Variants in NMNAT2 observed in about 807,000 individuals in gnomAD.
NMNAT2 encodes nicotinamide nucleotide adenylyltransferase 2, also known as nicotinamide/nicotinic acid mononucleotide adenylyltransferase 2.
In NMNAT2, 11 loss-of-function variants were observed where a neutral mutation model predicts 41.6. The observed-to-expected ratio is 0.26, with a 90% CI of 0.17 to 0.44. NMNAT2 has a LOEUF of 0.44. NMNAT2 is among the 20% of genes least tolerant of loss of function. NMNAT2 has a pLI of 1.00. For synonymous variants in NMNAT2, 148 were observed against 151.2 expected, an observed-to-expected ratio of 0.98 and a Z score of 0.16; for missense variants, 288 against 407.7, an observed-to-expected ratio of 0.71 and a Z score of 2.53.
Position 183,251,972 on chromosome 1 carries a change from G to C in NMNAT2, c.*669C>G, listed in dbSNP as rs1273078407. 1.3e-5 allele frequency: 2 copies of C among 155,296 alleles called. No individual in the cohort carries two copies. The highest frequency in any genetic ancestry group is 4.8e-5 in the African/African-American group (2 of 41,430). 9.6% of individuals were successfully genotyped at this position (155,296 alleles called of 1,614,324 possible). A position where few individuals can be genotyped will look rare whatever the true frequency, so the allele number is the denominator to read the frequency against. On this transcript the variant is annotated 3_prime_UTR_variant, in exon 11 of 11. Transcript: ENST00000287713. ...GCGTGTGTGTGGTGCTGAAGAAGTG[G>C]AGGTTGCTTGGCCTTCTCTACTGGG...
At chr1:183,384,634 C>A (rs7546142) in intron 1 of NMNAT2, among the ~76,000 whole-genome samples, 13,889 of 152,244 alleles carry the variant, frequency 0.091, 801 homozygotes, top group Middle Eastern at 0.18. Flanking sequence ...GACAATTCAA[C>A]ATGAGATTTG....
intron 1 of NMNAT2, among the ~76,000 whole-genome samples, chr1:183,403,902 AAATGCTATTACAGGGG>A (rs558749517): frequency 6.6e-6 from 1 of 152,216 alleles, no homozygotes; most frequent in Non-Finnish European, 1.5e-5. Context: ...CCAAGAATTC[AAATGCTATTACAGGGG>A]ACAACCTTGT....
chr1:183,378,807 GC>G (rs1356961227), intron 1 of NMNAT2, among the ~76,000 whole-genome samples: 1 of 6,064 alleles, frequency 1.6e-4, no homozygotes, highest in African/African-American at 2.5e-3. Context: ...ACTTTGGGAG[GC>G]CATGGCAGCA....
chr1:183,292,359 G>A (rs1242898889), intron 3 of NMNAT2, among the ~76,000 whole-genome samples: 1 of 152,194 alleles, frequency 6.6e-6, no homozygotes, highest in Non-Finnish European at 1.5e-5. Flanking sequence ...GGCCAGTGTG[G>A]GGCCCTTAGG....
rs1192209561 is a variant in NMNAT2, at chr1:183,248,288, C to T, written c.*4353G>A. 1 of 152,616 alleles carries T rather than the reference C, an allele frequency of 6.6e-6. No individual in the cohort carries two copies. The highest frequency in any genetic ancestry group is 1.9e-4 in the East Asian group (1 of 5,194). The allele number at this position is 152,616 out of a possible 1,614,324, so 9.5% of individuals were successfully genotyped here. A position where few individuals can be genotyped will look rare whatever the true frequency, so the allele number is the denominator to read the frequency against. On this transcript the variant is annotated 3_prime_UTR_variant, in exon 11 of 11. Transcript: ENST00000287713. ...CATAATTGAAACATTTTGCATAAAACTCTTGCCCATGACTATTCTAGCAAC... is the reference window on the plus strand; with the variant it reads ...CATAATTGAAACATTTTGCATAAAATTCTTGCCCATGACTATTCTAGCAAC...
At chr1:183,347,342 G>C (rs532605373) in intron 1 of NMNAT2, among the ~76,000 whole-genome samples, 1 of 152,220 alleles carries the variant, frequency 6.6e-6, no homozygotes, top group African/African-American at 2.4e-5. Context: ...TGTAGTCCCA[G>C]CTACTCAAGA....
chr1:183,403,631 GAGA>G (rs1648878635), intron 1 of NMNAT2, among the ~76,000 whole-genome samples: 1 of 152,222 alleles, frequency 6.6e-6, no homozygotes, highest in African/African-American at 2.4e-5. Flanking sequence ...ATTCCACATG[GAGA>G]AGTTGTTCAG....
At chr1:183,398,700 G>T (rs944423902) in intron 1 of NMNAT2, among the ~76,000 whole-genome samples, 3 of 151,946 alleles carry the variant, frequency 2.0e-5, no homozygotes, top group Non-Finnish European at 4.4e-5. Flanking sequence ...ACAGAAATTA[G>T]AACAAACTGT....
chr1:183,361,403 G>A (rs1336613160), intron 1 of NMNAT2, among the ~76,000 whole-genome samples: 2 of 152,168 alleles, frequency 1.3e-5, no homozygotes, highest in Non-Finnish European at 2.9e-5. Context: ...CAATAGCTGT[G>A]TGACTTTGGG....
In NMNAT2 at chr1:183,384,112, C is replaced by T. The variant is rs902490653; in HGVS notation, c.85+34071G>A. 5.9e-5 allele frequency among the ~76,000 whole-genome samples: 9 copies of T among 152,070 alleles called. No individual in the cohort carries two copies. In the East Asian group the frequency reaches 1.3e-3, roughly 23 times the overall value. The stretch of plus-strand genomic sequence containing the variant: ...GGAAGCATGACCAAAGAGAAACTTG[C>T]AATCATGGTGGAAGGTGAAGGGGAA... On this transcript the variant is annotated intron_variant, in intron 1 of 10. Coordinates refer to ENST00000287713, the MANE Select transcript of NMNAT2 (RefSeq NM_015039.4).
At chr1:183,253,682 C>A (rs922362749) in intron 10 of NMNAT2, among the ~76,000 whole-genome samples, 3 of 151,486 alleles carry the variant, frequency 2.0e-5, no homozygotes, top group African/African-American at 7.3e-5. Context: ...TGCTTTGTAT[C>A]CTTTGATCTA....
chr1:183,395,196 A>G (rs1391469388), intron 1 of NMNAT2, among the ~76,000 whole-genome samples: 2 of 152,196 alleles, frequency 1.3e-5, no homozygotes, highest in African/African-American at 4.8e-5. Flanking sequence ...CCTTACATAT[A>G]TATGCAGGGG....
chr1:183,396,080 T>C (rs920097089), intron 1 of NMNAT2, among the ~76,000 whole-genome samples: 10 of 152,186 alleles, frequency 6.6e-5, no homozygotes, highest in African/African-American at 2.4e-4. Flanking sequence ...CTTGGATGCC[T>C]TGAGCAAGAT....
rs201640663 is a variant in NMNAT2 at position 183,248,556 on chromosome 1, C to G, written c.*4085G>C. The G allele has an allele frequency of 6.6e-6, 1 of 152,114 alleles. No individual in the cohort carries two copies. Among genetic ancestry groups the G allele is most frequent in the Non-Finnish European group, 1.5e-5 (1 of 67,998 alleles). The allele number at this position is 152,114 out of a possible 1,614,324, so 9.4% of individuals were successfully genotyped here. A position where few individuals can be genotyped will look rare whatever the true frequency, so the allele number is the denominator to read the frequency against. On this transcript the variant is annotated 3_prime_UTR_variant, in exon 11 of 11. Transcript: ENST00000287713. ...GAAAGAGCCGTTAACTCATTCCTAA[C>G]CAGAACAGGCTAATAGGACACTCCA... is the stretch of plus-strand genomic sequence containing the variant.
At chr1:183,347,977 C>T (rs1336150457) in intron 1 of NMNAT2, among the ~76,000 whole-genome samples, 3 of 152,110 alleles carry the variant, frequency 2.0e-5, no homozygotes, top group Non-Finnish European at 2.9e-5. Flanking sequence ...TAAAAGGTAA[C>T]CCCAAGGAGA....
Position 183,258,201 on chromosome 1 carries a change from C to T in NMNAT2, c.821+2801G>A, listed in dbSNP as rs72731406. 4.7e-3 allele frequency among the ~76,000 whole-genome samples: 709 copies of T among 152,338 alleles called. 5 individuals carry two copies. Among genetic ancestry groups the T allele is most frequent in the Middle Eastern group, 0.034 (10 of 294 alleles). ...TTTTTTTCCAGCCTTGGTCTGCCTACTTCCTGTTCTCTCCTAACACAATAG... is the reference window on the plus strand; with the variant it reads ...TTTTTTTCCAGCCTTGGTCTGCCTATTTCCTGTTCTCTCCTAACACAATAG... On this transcript the variant is annotated intron_variant, in intron 10 of 10. Transcript: ENST00000287713.
rs1379370907 is a variant in NMNAT2 at position 183,252,707 on chromosome 1, A to G, written c.858T>C (p.Asp286=). The change falls in exon 11 of 11, where the codon GAT becomes GAC. Residue 286 remains aspartate (D), a synonymous_variant. Transcript: ENST00000287713. ...AGTCGATGACCGGCTGGGACAGGTA[A>G]TCCACAACATGGCCGTCCCCATGCT... ...ALQHGDGHVV[D]YLSQPVIDYI... is the part of the protein sequence containing the mutation. The G allele has an allele frequency of 6.2e-7, 1 of 1,614,046 alleles. No individual in the cohort carries two copies. The highest frequency in any genetic ancestry group is 8.5e-7 in the Non-Finnish European group (1 of 1,179,964).
At chr1:183,255,689 A>T (rs1660498691) in intron 10 of NMNAT2, among the ~76,000 whole-genome samples, 1 of 133,384 alleles carries the variant, frequency 7.5e-6, no homozygotes, top group South Asian at 2.4e-4. Flanking sequence ...TTTCAGACAG[A>T]GTCTCACTCT....
intron 1 of NMNAT2, among the ~76,000 whole-genome samples, chr1:183,338,240 A>AT (rs1233064764): frequency 1.9e-5 from 1 of 51,814 alleles, no homozygotes; most frequent in Non-Finnish European, 3.9e-5. Flanking sequence ...GGCAGATATC[A>AT]TAACTCTGAG....
Sources: gnomAD v4.1 joint callset for allele counts (sites outside exome capture counted in the v4.1 genomes callset) on GRCh38, gnomAD v4.1.1 for gene constraint, MANE v1.5 for transcripts, NCBI Gene and HGNC (gene_info 2026-07-23, HGNC 2026-07-21) for gene names.